The following CNTN5 variants were observed in gnomAD, a reference collection of about 807,000 sequenced individuals.
CNTN5 encodes contactin 5, also known as contactin-5.
CNTN5 carries 77 observed loss-of-function variants against 129.1 expected under a neutral mutation model. The observed-to-expected ratio is 0.60, with a 90% CI of 0.50 to 0.72. The LOEUF (loss-of-function observed/expected upper bound fraction) is 0.72. CNTN5 is among the 30% of genes least tolerant of loss of function. The pLI is 0.00. For missense variants in CNTN5, 1,478 were observed against 1,328.8 expected, an observed-to-expected ratio of 1.11 and a Z score of -1.75; for synonymous variants, 509 against 465.6, an observed-to-expected ratio of 1.09 and a Z score of -1.20.
chr11:99,745,644 A>G (rs1159017291), intron 3 of CNTN5, among the ~76,000 whole-genome samples: 2 of 152,190 alleles, frequency 1.3e-5, no homozygotes, highest in East Asian at 3.8e-4. Context: ...TGTGGATCCC[A>G]AAGGGGCCAG....
At chr11:99,792,899 T>C (rs184215754) in intron 3 of CNTN5, among the ~76,000 whole-genome samples, 8 of 152,242 alleles carry the variant, frequency 5.3e-5, no homozygotes, top group Admixed American at 2.0e-4. Context: ...TTAGGTTTTG[T>C]AGCTTGTGTG....
intron 6 of CNTN5, among the ~76,000 whole-genome samples, chr11:99,862,096 G>A (rs1948224312): frequency 6.6e-6 from 1 of 151,760 alleles, no homozygotes; most frequent in Non-Finnish European, 1.5e-5. Flanking sequence ...ATATGGATAA[G>A]ACTAAATGAA....
At chr11:100,218,484 G>T (rs1949190194) in intron 15 of CNTN5, among the ~76,000 whole-genome samples, 1 of 152,186 alleles carries the variant, frequency 6.6e-6, no homozygotes, top group South Asian at 2.1e-4. Flanking sequence ...ATGTGGATTG[G>T]AGTGGTGAGC....
intron 3 of CNTN5, among the ~76,000 whole-genome samples, chr11:99,786,532 A>T (rs772487230): frequency 1.3e-5 from 2 of 152,230 alleles, no homozygotes; most frequent in Non-Finnish European, 2.9e-5. Context: ...ACCAAGAAAG[A>T]GCCCATATAG....
intron 3 of CNTN5, among the ~76,000 whole-genome samples, chr11:99,615,396 A>G (rs1950728289): frequency 6.6e-6 from 1 of 152,152 alleles, no homozygotes. Context: ...GTATAAACCC[A>G]ACTTTTTAAG....
At chr11:100,021,240 G>A (rs1941124892) in intron 9 of CNTN5, among the ~76,000 whole-genome samples, 1 of 152,044 alleles carries the variant, frequency 6.6e-6, no homozygotes, top group Non-Finnish European at 1.5e-5. Flanking sequence ...CAAAGAATTT[G>A]TTGTATTTTG....
chr11:99,395,638 C>T (rs1165756969), intron 2 of CNTN5, among the ~76,000 whole-genome samples: 1 of 151,338 alleles, frequency 6.6e-6, no homozygotes, highest in East Asian at 1.9e-4. Context: ...CAGGATGGTA[C>T]TCTGTAGGTT....
At chr11:100,152,110 T>C (rs1330997873) in intron 13 of CNTN5, among the ~76,000 whole-genome samples, 1 of 152,190 alleles carries the variant, frequency 6.6e-6, no homozygotes, top group South Asian at 2.1e-4. Flanking sequence ...TCAACCAGAC[T>C]TCCACCACCC....
chr11:99,292,267 AT>A (rs1297834082), intron 1 of CNTN5, among the ~76,000 whole-genome samples: 1 of 151,284 alleles, frequency 6.6e-6, no homozygotes, highest in Non-Finnish European at 1.5e-5. Flanking sequence ...AAAAAAACAC[AT>A]AAAAAACTTC....
intron 1 of CNTN5, among the ~76,000 whole-genome samples, chr11:99,257,414 G>T (rs1862422883): frequency 6.6e-6 from 1 of 151,916 alleles, no homozygotes; most frequent in Non-Finnish European, 1.5e-5. Flanking sequence ...TTACTAGTTT[G>T]TCAAACTATC....
chr11:99,465,637 T>TTG (rs1483464777), intron 2 of CNTN5, among the ~76,000 whole-genome samples: 1 of 2,162 alleles, frequency 4.6e-4, no homozygotes, highest in Non-Finnish European at 0.025. Flanking sequence ...AATAAATTAA[T>TTG]TTTTTTTAGA....
chr11:100,118,041 T>C (rs887866658), intron 13 of CNTN5, among the ~76,000 whole-genome samples: 19 of 151,822 alleles, frequency 1.3e-4, no homozygotes, highest in African/African-American at 2.2e-4. Flanking sequence ...GTTTTTTTTT[T>C]CCCTTCCATG....
chr11:100,271,279 T>G, intron 18 of CNTN5, 38 bp downstream of exon 18: 1 of 1,494,862 alleles, frequency 6.7e-7, no homozygotes. Context: ...TTTGGTATGC[T>G]TCTAATCGTC....
chr11:99,256,612 A>T (rs1022919709), intron 1 of CNTN5, among the ~76,000 whole-genome samples: 6 of 152,086 alleles, frequency 3.9e-5, no homozygotes, highest in Admixed American at 2.6e-4. Flanking sequence ...ATTTATTACC[A>T]ATGGAAAATG....
intron 9 of CNTN5, among the ~76,000 whole-genome samples, chr11:100,004,544 T>G (rs1428786403): frequency 6.6e-6 from 1 of 152,222 alleles, no homozygotes; most frequent in Non-Finnish European, 1.5e-5. Flanking sequence ...GTTTCTCCAC[T>G]TAAAACATTT....
chr11:100,238,408 CAAAAAAAA>C lies in CNTN5; in HGVS notation c.2005+13611_2005+13618del, dbSNP rs201855934. On this transcript the variant is annotated intron_variant, in intron 16 of 24. Transcript: ENST00000524871. ...TTTTGGACTTAATCTCCTCACTTGTCAAAAAAAAAAAAAAAAAAAAAAGGAGAAAGAAG... is the reference window on the plus strand; with the variant it reads ...TTTTGGACTTAATCTCCTCACTTGTCAAAAAAAAAAAAAAGGAGAAAGAAG... 3.8e-4 allele frequency among the ~76,000 whole-genome samples: 27 copies of C among 71,322 alleles called. 1 individual carries two copies. Among genetic ancestry groups the C allele is most frequent in the Admixed American group, 1.1e-3 (6 of 5,652 alleles). 46.8% of individuals were successfully genotyped at this position (71,322 alleles called of 152,430 possible).
At chr11:100,332,451 C>T (rs1951925001) in intron 21 of CNTN5, among the ~76,000 whole-genome samples, 3 of 152,080 alleles carry the variant, frequency 2.0e-5, no homozygotes, top group Non-Finnish European at 1.5e-5. Flanking sequence ...CTCAAAAAGA[C>T]AGAGAAAGAG....
At chr11:100,026,550 G>A (rs1400647552) in intron 9 of CNTN5, among the ~76,000 whole-genome samples, 1 of 152,174 alleles carries the variant, frequency 6.6e-6, no homozygotes, top group African/African-American at 2.4e-5. Flanking sequence ...AGCATTTGGT[G>A]TTGTCCATGT....
intron 23 of CNTN5, among the ~76,000 whole-genome samples, chr11:100,342,635 C>T (rs115692706): frequency 0.011 from 1,662 of 152,242 alleles, 28 homozygotes; most frequent in African/African-American, 0.038. Context: ...ATTGTTCTTA[C>T]TTTTTATATA....
Sources: allele counts gnomAD v4.1 joint callset (sites outside exome capture counted in the v4.1 genomes callset), GRCh38; gene constraint gnomAD v4.1.1; transcripts MANE v1.5; gene names NCBI Gene and HGNC (gene_info 2026-07-23, HGNC 2026-07-21).